The following VSTM2L variants were observed in gnomAD, a reference collection of about 807,000 sequenced individuals.
VSTM2L encodes V-set and transmembrane domain-containing protein 2-like protein.
VSTM2L carries 9 observed loss-of-function variants against 19.9 expected under a neutral mutation model. That is an observed-to-expected ratio of 0.45 (90% CI 0.27 to 0.79). VSTM2L has a LOEUF of 0.79. VSTM2L is among the 30% of genes least tolerant of loss of function. The pLI is 0.15. For synonymous variants in VSTM2L, 127 were observed against 133.8 expected (o/e 0.95, Z 0.35); for missense variants, 286 against 295.5 (o/e 0.97, Z 0.24).
chr20:37,935,323 G>T (rs1042416225), intron 3 of VSTM2L, among the ~76,000 whole-genome samples: 3 of 152,202 alleles, frequency 2.0e-5, no homozygotes, highest in African/African-American at 7.2e-5. Flanking sequence ...TCCTCGTGCA[G>T]ACAGCGCCAC....
rs1048180423 is a variant in VSTM2L, at chr20:37,945,344, A to T, written c.*1091A>T. Reference sequence around the variant, plus strand: ...CAGCCAACCTGAATAAAGCGGTTTTAAAAAAACCTCTGGGCAGTGTCTTTC... The same window carrying T: ...CAGCCAACCTGAATAAAGCGGTTTTTAAAAAACCTCTGGGCAGTGTCTTTC... On this transcript the variant is annotated 3_prime_UTR_variant, in exon 4 of 4. Transcript: ENST00000373461. 4.4e-6 allele frequency: 4 copies of T among 917,502 alleles called. No individual in the cohort carries two copies. The African/African-American group carries it at 7.2e-5, about 16-fold the overall frequency. The allele number at this position is 917,502 out of a possible 1,614,324, so 56.8% of individuals were successfully genotyped here. A position where few individuals can be genotyped will look rare whatever the true frequency, so the allele number is the denominator to read the frequency against.
chr20:37,937,808 C>T (rs1473703908), intron 3 of VSTM2L, among the ~76,000 whole-genome samples: 1 of 152,168 alleles, frequency 6.6e-6, no homozygotes, highest in Non-Finnish European at 1.5e-5. Flanking sequence ...GGAGAGCTGC[C>T]ATAATGGGGT....
chr20:37,936,626 T>A (rs2072941941), intron 3 of VSTM2L, among the ~76,000 whole-genome samples: 1 of 152,152 alleles, frequency 6.6e-6, no homozygotes, highest in Non-Finnish European at 1.5e-5. Flanking sequence ...TTGTGAAGAT[T>A]CAGACTCTAA....
In VSTM2L at chr20:37,913,940, A is replaced by T. The variant is rs117651278; in HGVS notation, c.121+10469A>T. ...AGTGGGTTGGCCGTGGTGAGTGGAG[A>T]TGGGGAGCTGAAGCAGGACTTGGGG... On this transcript the variant is annotated intron_variant, in intron 1 of 3. Coordinates refer to ENST00000373461, the MANE Select transcript of VSTM2L (RefSeq NM_080607.3). Among the ~76,000 whole-genome samples, 87 of 152,042 alleles carry T rather than the reference A, an allele frequency of 5.7e-4. 1 individual carries two copies. In the East Asian group the frequency reaches 0.016, roughly 27 times the overall value.
At chr20:37,912,920 G>T (rs549877862) in intron 1 of VSTM2L, among the ~76,000 whole-genome samples, 4 of 151,026 alleles carry the variant, frequency 2.6e-5, no homozygotes, top group Non-Finnish European at 5.9e-5. Flanking sequence ...TCTGTCTTTC[G>T]ATCTCTTTCC....
rs112296072 is a variant in VSTM2L at position 37,928,580 on chromosome 20, C to T, written c.122-3055C>T. On this transcript the variant is annotated intron_variant, in intron 1 of 3. Transcript: ENST00000373461. The stretch of plus-strand genomic sequence containing the variant: ...GTCCAGCCTGGGCAAAAAGCAAGAC[C>T]GTGTCTCTACAAAAAATTTGAAAAA... Among the ~76,000 whole-genome samples the T allele has an allele frequency of 5.1e-3, 780 of 152,288 alleles. 2 individuals are homozygous for T. The highest frequency in any genetic ancestry group is 8.6e-3 in the Non-Finnish European group (586 of 68,022).
rs1399755036 is a variant in VSTM2L, at chr20:37,932,288, C to T, written c.291+484C>T. 2.6e-5 allele frequency among the ~76,000 whole-genome samples: 4 copies of T among 152,246 alleles called. No individual in the cohort carries two copies. The East Asian group carries it at 7.7e-4, about 29-fold the overall frequency. On this transcript the variant is annotated intron_variant, in intron 2 of 3. Transcript: ENST00000373461. ...CACCCTTGGCTGCACATGTGCTCAC[C>T]CCTCTACACGTGCATGCTCGTATGT... is the stretch of plus-strand genomic sequence containing the variant.
intron 1 of VSTM2L, among the ~76,000 whole-genome samples, chr20:37,913,960 T>C (rs946192693): frequency 3.3e-5 from 5 of 152,018 alleles, no homozygotes; most frequent in African/African-American, 4.8e-5. Context: ...GAAGCAGGAC[T>C]TGGGGCTGGA....
intron 1 of VSTM2L, among the ~76,000 whole-genome samples, chr20:37,913,362 G>A (rs1259337532): frequency 6.6e-6 from 1 of 152,206 alleles, no homozygotes; most frequent in African/African-American, 2.4e-5. Flanking sequence ...GGAAACTGAG[G>A]CCCAGAGAGC....
intron 1 of VSTM2L, among the ~76,000 whole-genome samples, chr20:37,905,188 T>A (rs991566982): frequency 6.6e-6 from 1 of 152,016 alleles, no homozygotes; most frequent in African/African-American, 2.4e-5. Context: ...ACCCCTCCTC[T>A]CCTCGCTCCG....
intron 1 of VSTM2L, among the ~76,000 whole-genome samples, chr20:37,913,885 G>C (rs552114978): frequency 1.3e-5 from 2 of 152,256 alleles, no homozygotes; most frequent in Non-Finnish European, 2.9e-5. Flanking sequence ...CCTTCTGAGT[G>C]GGGAGGGCGC....
In VSTM2L at chr20:37,945,256, G is replaced by C; in HGVS notation, c.*1003G>C. On this transcript the variant is annotated 3_prime_UTR_variant, in exon 4 of 4. Coordinates refer to ENST00000373461, the MANE Select transcript of VSTM2L (RefSeq NM_080607.3). ...CTCAGTGATGACGTGGGGGAGGTGG[G>C]AGAGGCCGAGGGCTTTGCCTAGGGG... is the stretch of plus-strand genomic sequence containing the variant. 1.0e-6 allele frequency: 1 copy of C among 985,524 alleles called. No individual in the cohort carries two copies. The highest frequency in any genetic ancestry group is 1.2e-6 in the Non-Finnish European group (1 of 829,996). The allele number at this position is 985,524 out of a possible 1,614,324, so 61.0% of individuals were successfully genotyped here.
chr20:37,937,685 C>T (rs112234618), intron 3 of VSTM2L, among the ~76,000 whole-genome samples: 59 of 152,360 alleles, frequency 3.9e-4, no homozygotes, highest in African/African-American at 1.4e-3. Flanking sequence ...AGACCATGGT[C>T]TCACACATAC....
intron 3 of VSTM2L, among the ~76,000 whole-genome samples, chr20:37,939,195 A>G (rs1172443883): frequency 1.3e-5 from 2 of 152,156 alleles, no homozygotes; most frequent in Non-Finnish European, 2.9e-5. Flanking sequence ...GCTTGAGCCC[A>G]GGAGTTCAAG....
At chr20:37,920,144 C>A (rs2072842192) in intron 1 of VSTM2L, among the ~76,000 whole-genome samples, 1 of 152,226 alleles carries the variant, frequency 6.6e-6, no homozygotes, top group Non-Finnish European at 1.5e-5. Context: ...AACAACGGAG[C>A]CAGCAGAAAC....
At chr20:37,922,324 C>T (rs1051026523) in intron 1 of VSTM2L, among the ~76,000 whole-genome samples, 14 of 152,228 alleles carry the variant, frequency 9.2e-5, no homozygotes, top group Non-Finnish European at 1.5e-4. Context: ...CATCTATTTG[C>T]GGCGTGTGTC....
intron 2 of VSTM2L, among the ~76,000 whole-genome samples, chr20:37,933,064 C>A (rs975239623): frequency 2.0e-5 from 3 of 152,190 alleles, no homozygotes; most frequent in Non-Finnish European, 2.9e-5. Context: ...CAGGTATCTG[C>A]GGTTGGAAGC....
At chr20:37,932,669 C>T (rs1418358556) in intron 2 of VSTM2L, among the ~76,000 whole-genome samples, 1 of 152,114 alleles carries the variant, frequency 6.6e-6, no homozygotes, top group African/African-American at 2.4e-5. Flanking sequence ...TTCCCTTTTT[C>T]GTTTCACTCA....
At chr20:37,943,710 G>A (rs1023499768) in intron 3 of VSTM2L, among the ~76,000 whole-genome samples, 3 of 152,114 alleles carry the variant, frequency 2.0e-5, no homozygotes, top group Admixed American at 1.3e-4. Context: ...CTGAGCTCAC[G>A]TGCCTAGTTC....
Sources: gnomAD v4.1 joint callset for allele counts (sites outside exome capture counted in the v4.1 genomes callset) on GRCh38, gnomAD v4.1.1 for gene constraint, MANE v1.5 for transcripts, NCBI Gene and HGNC (gene_info 2026-07-23, HGNC 2026-07-21) for gene names.